INSL6: variants seen among roughly 807,000 people sequenced by gnomAD.
The protein encoded by INSL6 is insulin like 6.
In INSL6, 16 loss-of-function variants were observed where a neutral mutation model predicts 9.4. The ratio of observed to expected loss-of-function variants is 1.70; its 90% CI spans 1.15 to 2.59. The LOEUF is 2.59. Among genes scored for constraint, INSL6 ranks in the 30% most tolerant of loss-of-function variants. The probability of loss-of-function intolerance (pLI) is 0.00; values close to 1 mark genes in which losing one functional copy is unlikely to be tolerated. For missense variants in INSL6, 391 were observed against 257.3 expected (o/e 1.52, Z -3.56); for synonymous variants, 154 against 96.9 (o/e 1.59, Z -3.46).
At chr9:5,177,871 T>C (rs952689879) in intron 1 of INSL6, among the ~76,000 whole-genome samples, 6 of 152,076 alleles carry the variant, frequency 3.9e-5, no homozygotes, top group African/African-American at 1.4e-4. Context: ...ACTGCTTCTT[T>C]CTTTTTCTTC....
the INSL6 span, among the ~76,000 whole-genome samples, chr9:5,092,031 G>T: frequency 6.6e-6 from 1 of 152,044 alleles, no homozygotes; most frequent in South Asian, 2.1e-4. Context: ...ATTCGGAGAG[G>T]ATTATCATTA....
the INSL6 span, chr9:5,111,637 C>T: frequency 2.6e-6 from 1 of 379,092 alleles, no homozygotes; most frequent in Non-Finnish European, 5.1e-6. Context: ...TGGGCGGGGG[C>T]TCATGCCCCT....
downstream of INSL6, among the ~76,000 whole-genome samples, chr9:5,159,787 A>G (rs967352532): frequency 6.6e-6 from 1 of 152,210 alleles, no homozygotes; most frequent in Admixed American, 6.5e-5. Flanking sequence ...TGCACTATAG[A>G]ACAAACAGAC....
At chr9:5,123,744 T>C (rs77994832), downstream of INSL6, among the ~76,000 whole-genome samples, 867 of 151,984 alleles carry the variant, frequency 5.7e-3, 5 homozygotes, top group African/African-American at 0.019. Context: ...TCCATAGAGG[T>C]TGTACAAATG....
the INSL6 span, among the ~76,000 whole-genome samples, chr9:5,043,519 T>C: frequency 2.5e-4 from 38 of 152,332 alleles, no homozygotes; most frequent in East Asian, 6.9e-3. Context: ...GTGGTGCTGC[T>C]ACTTTGGAAA....
chr9:5,065,620 T>C, the INSL6 span, among the ~76,000 whole-genome samples: 2 of 152,224 alleles, frequency 1.3e-5, no homozygotes, highest in Non-Finnish European at 2.9e-5. Flanking sequence ...TCTTTACATT[T>C]AAATAGCTAC....
At chr9:5,170,717 T>C (rs1022701154) in intron 1 of INSL6, among the ~76,000 whole-genome samples, 6 of 151,928 alleles carry the variant, frequency 3.9e-5, no homozygotes, top group Admixed American at 1.3e-4. Context: ...AACACCTCTA[T>C]ACCAATAAAC....
At chr9:5,166,682 C>A (rs78130731) in intron 1 of INSL6, among the ~76,000 whole-genome samples, 2 of 152,026 alleles carry the variant, frequency 1.3e-5, no homozygotes, top group Non-Finnish European at 2.9e-5. Context: ...AGAGTTATCA[C>A]CTTCAAAAAA....
the INSL6 span, chr9:5,090,412 G>C: frequency 2.7e-6 from 4 of 1,457,994 alleles, no homozygotes; most frequent in South Asian, 1.5e-5. Flanking sequence ...TAATATGGCA[G>C]AGTAAAACAT....
At chr9:5,108,595 T>C in the INSL6 span, 1 of 152,006 alleles carries the variant, frequency 6.6e-6, no homozygotes, top group African/African-American at 2.4e-5. Flanking sequence ...GAAGCCCCTA[T>C]TGCCGGCTCA....
At chr9:5,046,186 A>G in the INSL6 span, among the ~76,000 whole-genome samples, 44 of 152,196 alleles carry the variant, frequency 2.9e-4, no homozygotes, top group African/African-American at 9.9e-4. Flanking sequence ...CTTTGCAGAG[A>G]TGTTGCTTGT....
chr9:5,143,961 T>C (rs531553539), intron 2 of INSL6, among the ~76,000 whole-genome samples: 10 of 152,248 alleles, frequency 6.6e-5, no homozygotes, highest in South Asian at 2.1e-4. Flanking sequence ...CACTGGCCAA[T>C]TGGTTGATCT....
chr9:5,029,382 T>A, the INSL6 span, among the ~76,000 whole-genome samples: 1,363 of 152,262 alleles, frequency 9.0e-3, 17 homozygotes, highest in African/African-American at 0.03. Flanking sequence ...TGATCACAGA[T>A]CATCATAACT....
intron 3 of INSL6, among the ~76,000 whole-genome samples, chr9:5,130,720 TTTTTTA>T (rs1218907590): frequency 4.6e-5 from 7 of 151,068 alleles, no homozygotes; most frequent in African/African-American, 1.7e-4. Context: ...ATTTTTTTTA[TTTTTTA>T]TTTTTTTTTT....
the INSL6 span, among the ~76,000 whole-genome samples, chr9:5,077,257 A>G: frequency 1.3e-5 from 2 of 150,374 alleles, no homozygotes; most frequent in African/African-American, 2.4e-5. Flanking sequence ...TTAGACTCCT[A>G]CTCTTGCTGT....
At chr9:5,002,151 T>G in the INSL6 span, among the ~76,000 whole-genome samples, 1 of 151,884 alleles carries the variant, frequency 6.6e-6, no homozygotes, top group Non-Finnish European at 1.5e-5. Context: ...TTGATTTTCT[T>G]TATTGTTTTA....
chr9:5,180,773 C>T (rs1333193055), intron 1 of INSL6, among the ~76,000 whole-genome samples: 1 of 152,118 alleles, frequency 6.6e-6, no homozygotes, highest in Non-Finnish European at 1.5e-5. Flanking sequence ...CTGCTTTTGC[C>T]CTTTCCCTTG....
chr9:5,015,450 G>A, the INSL6 span, among the ~76,000 whole-genome samples: 2 of 152,228 alleles, frequency 1.3e-5, no homozygotes, highest in South Asian at 4.1e-4. Flanking sequence ...AGAAGTAATA[G>A]TGAGTTAAAC....
chr9:5,107,803 A>G, the INSL6 span: 1 of 152,128 alleles, frequency 6.6e-6, no homozygotes, highest in Non-Finnish European at 1.5e-5. Context: ...TTACTCTAGC[A>G]TCTATAATAC....
Sources: gnomAD v4.1 joint callset for allele counts (sites outside exome capture counted in the v4.1 genomes callset) on GRCh38, gnomAD v4.1.1 for gene constraint, MANE v1.5 for transcripts, NCBI Gene and HGNC (gene_info 2026-07-23, HGNC 2026-07-21) for gene names.